NCK2: variants seen among roughly 807,000 people sequenced by gnomAD.
NCK2 encodes NCK adaptor protein 2.
NCK2 carries 16 observed loss-of-function variants against 33.9 expected under a neutral mutation model. The observed-to-expected ratio is 0.47, with a 90% confidence interval of 0.32 to 0.72. NCK2 has a LOEUF of 0.72. Ranked by LOEUF, NCK2 falls within the 30% of genes least tolerant of loss-of-function variation. NCK2 has a pLI of 0.03. For synonymous variants in NCK2, 273 were observed against 239.9 expected (o/e 1.14, Z -1.27); for missense variants, 418 against 537.3 (o/e 0.78, Z 2.19).
intron 3 of NCK2, among the ~76,000 whole-genome samples, chr2:105,871,964 A>T (rs1395304630): frequency 6.6e-6 from 1 of 152,200 alleles, no homozygotes; most frequent in African/African-American, 2.4e-5. Flanking sequence ...TGCAAGGGAA[A>T]TTGGTGCCCA....
intron 2 of NCK2, among the ~76,000 whole-genome samples, chr2:105,819,383 A>G (rs1437394689): frequency 6.6e-6 from 1 of 152,186 alleles, no homozygotes; most frequent in Non-Finnish European, 1.5e-5. Context: ...TCATTTGCAA[A>G]TGCAGTCATG....
intron 1 of NCK2, among the ~76,000 whole-genome samples, chr2:105,814,366 C>G (rs954165779): frequency 1.3e-5 from 2 of 152,234 alleles, no homozygotes; most frequent in African/African-American, 2.4e-5. Context: ...TGGCACCTTT[C>G]AATGGATTTT....
chr2:105,884,533 T>A (rs1293507658), intron 4 of NCK2, among the ~76,000 whole-genome samples: 1 of 152,248 alleles, frequency 6.6e-6, no homozygotes, highest in African/African-American at 2.4e-5. Context: ...GCACAGCTGT[T>A]TTTTTTGGAA....
chr2:105,779,120 A>C (rs545738261), intron 1 of NCK2, among the ~76,000 whole-genome samples: 2 of 152,174 alleles, frequency 1.3e-5, no homozygotes, highest in African/African-American at 4.8e-5. Flanking sequence ...CAGCCTGGCC[A>C]ACATGGTGAA....
In NCK2 at chr2:105,785,085, T is replaced by A. The variant is rs550570788; in HGVS notation, c.-200-31345T>A. 2.0e-5 allele frequency among the ~76,000 whole-genome samples: 3 copies of A among 152,272 alleles called. No individual in the cohort carries two copies. The East Asian group carries it at 5.8e-4, about 29-fold the overall frequency. ...GCTCCACCTCCTGGGTTCACGCCAT[T>A]CTCCTGCCTCAGCCTCCTGAGCACA... On this transcript the variant is annotated intron_variant, in intron 1 of 4. Transcript: ENST00000233154.
At chr2:105,835,388 C>CGTATATAT in intron 2 of NCK2, among the ~76,000 whole-genome samples, 11 of 52,116 alleles carry the variant, frequency 2.1e-4, no homozygotes, top group East Asian at 1.2e-3. Context: ...TATATATACA[C>CGTATATAT]ATATATATAT....
At chr2:105,887,704 G>A (rs963292991) in intron 4 of NCK2, among the ~76,000 whole-genome samples, 1 of 152,138 alleles carries the variant, frequency 6.6e-6, no homozygotes, top group East Asian at 1.9e-4. Context: ...GTCTGTCCTC[G>A]GCATTCATTT....
At chr2:105,856,291 G>A (rs1677267906) in intron 3 of NCK2, among the ~76,000 whole-genome samples, 1 of 151,404 alleles carries the variant, frequency 6.6e-6, no homozygotes, top group Non-Finnish European at 1.5e-5. Flanking sequence ...TAATTGCGAG[G>A]ACTTTTTTGA....
chr2:105,810,279 C>T (rs557321855), intron 1 of NCK2, among the ~76,000 whole-genome samples: 1 of 152,186 alleles, frequency 6.6e-6, no homozygotes, highest in East Asian at 1.9e-4. Flanking sequence ...TTCTGGCCCG[C>T]TTCTTAAGAT....
chr2:105,759,472 T>TATTACACATA (rs57005277), intron 1 of NCK2, among the ~76,000 whole-genome samples: 142,678 of 152,002 alleles, frequency 0.94, 66,974 homozygotes, highest in East Asian at 0.99. Flanking sequence ...TTTTATATAA[T>TATTACACATA]AAAACATATG....
At chr2:105,876,545 T>G (rs1183076209) in intron 3 of NCK2, among the ~76,000 whole-genome samples, 1 of 152,240 alleles carries the variant, frequency 6.6e-6, no homozygotes, top group Non-Finnish European at 1.5e-5. Flanking sequence ...GCTTCCAGTC[T>G]GCCATGTTCT....
chr2:105,838,195 G>A (rs962948173), intron 2 of NCK2, among the ~76,000 whole-genome samples: 25 of 151,756 alleles, frequency 1.6e-4, no homozygotes, highest in African/African-American at 4.6e-4. Context: ...CAGCTGTGCC[G>A]AAAGGGCTAT....
At chr2:105,837,001 G>C (rs1477671528) in intron 2 of NCK2, among the ~76,000 whole-genome samples, 1 of 152,186 alleles carries the variant, frequency 6.6e-6, no homozygotes, top group Non-Finnish European at 1.5e-5. Context: ...TGTGAATGTG[G>C]TCTGCTGTGG....
intron 3 of NCK2, among the ~76,000 whole-genome samples, chr2:105,868,127 C>T (rs115265456): frequency 0.011 from 1,618 of 152,294 alleles, 25 homozygotes; most frequent in African/African-American, 0.037. Flanking sequence ...GCATGGCCCA[C>T]GTGCTGCCTT....
At chr2:105,759,015 G>A (rs1378745336) in intron 1 of NCK2, among the ~76,000 whole-genome samples, 1 of 152,134 alleles carries the variant, frequency 6.6e-6, no homozygotes, top group Non-Finnish European at 1.5e-5. Flanking sequence ...AATGGTTTTG[G>A]TGATTTACTA....
At chr2:105,811,247 T>C (rs1006847653) in intron 1 of NCK2, among the ~76,000 whole-genome samples, 12 of 152,090 alleles carry the variant, frequency 7.9e-5, no homozygotes, top group Non-Finnish European at 1.6e-4. Flanking sequence ...CATCAATTTT[T>C]GATAATGTCC....
chr2:105,824,254 T>G (rs1342005234), intron 2 of NCK2, among the ~76,000 whole-genome samples: 1 of 150,414 alleles, frequency 6.6e-6, no homozygotes, highest in African/African-American at 2.5e-5. Flanking sequence ...AGTACTGCTT[T>G]CCACTTGGGC....
At chr2:105,788,796 C>T (rs532488194) in intron 1 of NCK2, among the ~76,000 whole-genome samples, 1 of 152,190 alleles carries the variant, frequency 6.6e-6, no homozygotes, top group African/African-American at 2.4e-5. Context: ...ACAAACAAGC[C>T]ACTGTAATCC....
At chr2:105,807,742 C>A in intron 1 of NCK2, among the ~76,000 whole-genome samples, 1 of 104,452 alleles carries the variant, frequency 9.6e-6, no homozygotes. Context: ...TCCTTCCTTC[C>A]TTCCTTCCCT....
Sources: gnomAD v4.1 joint callset for allele counts (sites outside exome capture counted in the v4.1 genomes callset) on GRCh38, gnomAD v4.1.1 for gene constraint, MANE v1.5 for transcripts, NCBI Gene and HGNC (gene_info 2026-07-23, HGNC 2026-07-21) for gene names.